Variants in CPPED1 observed in about 807,000 individuals in gnomAD.
The protein encoded by CPPED1 is serine/threonine-protein phosphatase CPPED1.
CPPED1 carries 28 observed loss-of-function variants against 28.0 expected under a neutral mutation model. The observed-to-expected ratio is 1.00, with a 90% CI of 0.74 to 1.37. The LOEUF is 1.37. CPPED1 is among the 40% of genes most tolerant of loss of function. The pLI, the probability that CPPED1 is intolerant of heterozygous loss-of-function variation, is 0.00. For missense variants in CPPED1, 504 were observed against 416.5 expected, an observed-to-expected ratio of 1.21 and a Z score of -1.83; for synonymous variants, 198 against 180.2, an observed-to-expected ratio of 1.10 and a Z score of -0.79.
At chr16:12,686,756 C>T (rs1243202680) in intron 3 of CPPED1, among the ~76,000 whole-genome samples, 3 of 152,186 alleles carry the variant, frequency 2.0e-5, no homozygotes, top group Admixed American at 6.5e-5. Context: ...GTGTCAGTTA[C>T]TAAAACACCC....
chr16:12,770,690 C>T (rs2080464785), intron 2 of CPPED1, among the ~76,000 whole-genome samples: 1 of 152,004 alleles, frequency 6.6e-6, no homozygotes, highest in Non-Finnish European at 1.5e-5. Context: ...TGTGGTGGCA[C>T]ACACACCTGT....
At chr16:12,785,946 A>AC (rs1415045841) in intron 1 of CPPED1, among the ~76,000 whole-genome samples, 2 of 151,888 alleles carry the variant, frequency 1.3e-5, no homozygotes, top group East Asian at 1.9e-4. Flanking sequence ...GAAAAAAAAA[A>AC]AAAACCAAAA....
chr16:12,664,868 C>G lies in CPPED1; in HGVS notation c.*18G>C. Reference sequence around the variant, plus strand: ...AAAAATAGTGCAAGTGAAAAGTGAACGGGAACGGGAAGGAGCGTCATTTTT... The same window carrying G: ...AAAAATAGTGCAAGTGAAAAGTGAAGGGGAACGGGAAGGAGCGTCATTTTT... On this transcript the variant is annotated 3_prime_UTR_variant, in exon 4 of 4. Coordinates refer to ENST00000381774, the MANE Select transcript of CPPED1 (RefSeq NM_018340.3). This position sits in a 1 kb window ranked among gnomAD's most constrained non-coding sequence, Gnocchi z 4.2. 6.2e-7 allele frequency: 1 copy of G among 1,607,662 alleles called. No homozygotes were observed. The highest frequency in any genetic ancestry group is 8.5e-7 in the Non-Finnish European group (1 of 1,178,042).
rs548766300 is a variant in CPPED1, at chr16:12,719,568, C to T, written c.290-14519G>A. Among the ~76,000 whole-genome samples the T allele has an allele frequency of 4.6e-5, 7 of 152,260 alleles. No individual in the cohort carries two copies. In the South Asian group the frequency reaches 1.2e-3, roughly 27 times the overall value. Reference sequence around the variant, plus strand: ...GAGCGAAGACGGAAAGATTGACTTACCATGTCCTTATATACCTTACCTATA... The same window carrying T: ...GAGCGAAGACGGAAAGATTGACTTATCATGTCCTTATATACCTTACCTATA... On this transcript the variant is annotated intron_variant, in intron 2 of 3. Transcript: ENST00000381774.
chr16:12,747,472 C>A (rs142093446), intron 2 of CPPED1, among the ~76,000 whole-genome samples: 18 of 133,360 alleles, frequency 1.3e-4, no homozygotes, highest in African/African-American at 4.5e-4. Context: ...AATAAATAAT[C>A]ACATTCCATA....
In CPPED1 at chr16:12,709,909, AAGGAAGGG is replaced by A. The variant is rs1567282722; in HGVS notation, c.290-4868_290-4861del. On this transcript the variant is annotated intron_variant, in intron 2 of 3. Coordinates refer to ENST00000381774, the MANE Select transcript of CPPED1 (RefSeq NM_018340.3). The surrounding 1 kb of genome is among the most constrained non-coding windows in gnomAD (Gnocchi z 4.4). ...AGGGAAGGAAGGGAAAGACGGGGGG[AAGGAAGGG>A]AAGGAAGGGAAGGAAGGGAAGGAAG... Among the ~76,000 whole-genome samples, 2,594 of 25,240 alleles carry A rather than the reference AAGGAAGGG, an allele frequency of 0.1. 80 individuals carry two copies. Among genetic ancestry groups the A allele is most frequent in the African/African-American group, 0.37 (2,504 of 6,778 alleles). The allele number at this position is 25,240 out of a possible 152,430, so 16.6% of individuals were successfully genotyped here.
intron 1 of CPPED1, among the ~76,000 whole-genome samples, chr16:12,797,335 G>A (rs779970457): frequency 5.3e-5 from 8 of 152,132 alleles, no homozygotes; most frequent in East Asian, 3.8e-4. Context: ...AGGATTGCTC[G>A]GGTCCAAGAG....
chr16:12,800,700 A>G (rs904413322), intron 1 of CPPED1, among the ~76,000 whole-genome samples: 1 of 152,158 alleles, frequency 6.6e-6, no homozygotes. Context: ...CTCCAGCCTC[A>G]GCCCACACCA....
chr16:12,667,127 A>C (rs1339552411), intron 3 of CPPED1, among the ~76,000 whole-genome samples: 1 of 152,148 alleles, frequency 6.6e-6, no homozygotes, highest in Non-Finnish European at 1.5e-5. Context: ...ATGAGGGAAA[A>C]ACAAAAAACA....
rs1204405112 is a variant in CPPED1, at chr16:12,660,355, G to A, written c.*4531C>T. On this transcript the variant is annotated 3_prime_UTR_variant, in exon 4 of 4. Transcript: ENST00000381774. Reference sequence around the variant, plus strand: ...TTCATTTACATAGATAAAGCCTAAAGGAAAAATCCAATCTGTATTTATGTG... The same window carrying A: ...TTCATTTACATAGATAAAGCCTAAAAGAAAAATCCAATCTGTATTTATGTG... 6.6e-6 allele frequency: 1 copy of A among 152,048 alleles called. No homozygotes were observed. Among genetic ancestry groups the A allele is most frequent in the Non-Finnish European group, 1.5e-5 (1 of 68,014 alleles). The allele number at this position is 152,048 out of a possible 1,614,324, so 9.4% of individuals were successfully genotyped here.
intron 2 of CPPED1, among the ~76,000 whole-genome samples, chr16:12,749,959 C>T (rs1046483124): frequency 1.3e-5 from 2 of 152,106 alleles, no homozygotes; most frequent in African/African-American, 2.4e-5. Context: ...TTTACTTTGC[C>T]CAGATCCATC....
chr16:12,733,582 T>G (rs1329376101), intron 2 of CPPED1, among the ~76,000 whole-genome samples: 4 of 152,056 alleles, frequency 2.6e-5, no homozygotes, highest in African/African-American at 9.6e-5. Flanking sequence ...GCCAACCAAA[T>G]TAGGATTTAA....
intron 3 of CPPED1, among the ~76,000 whole-genome samples, chr16:12,674,884 G>T (rs1651004): frequency 1.7e-4 from 26 of 151,912 alleles, no homozygotes; most frequent in African/African-American, 4.6e-4. Context: ...GCAGAGGTCT[G>T]GGGGGGAGCA....
chr16:12,735,060 G>A (rs1199651302), intron 2 of CPPED1, among the ~76,000 whole-genome samples: 1 of 152,138 alleles, frequency 6.6e-6, no homozygotes, highest in Non-Finnish European at 1.5e-5. Context: ...GTACTATCTG[G>A]AGGGTCACCA....
rs148292768 is a variant in CPPED1 at position 12,756,087 on chromosome 16, C to T, written c.289+25098G>A. Among the ~76,000 whole-genome samples the T allele has an allele frequency of 9.5e-3, 1,436 of 150,906 alleles. 27 individuals carry two copies. The highest frequency in any genetic ancestry group is 0.033 in the African/African-American group (1,359 of 40,696). On this transcript the variant is annotated intron_variant, in intron 2 of 3. Transcript: ENST00000381774. Reference sequence around the variant, plus strand: ...CGGAGCTTGCAGTGAGCCAAGATCGCGCTACTGCACTCCAGCCTGGGCAAC... The same window carrying T: ...CGGAGCTTGCAGTGAGCCAAGATCGTGCTACTGCACTCCAGCCTGGGCAAC...
At chr16:12,737,297 A>T (rs1010758846) in intron 2 of CPPED1, among the ~76,000 whole-genome samples, 2 of 152,318 alleles carry the variant, frequency 1.3e-5, no homozygotes, top group South Asian at 4.1e-4. Context: ...CTGAAGGACA[A>T]GCAGGCAGTC....
intron 2 of CPPED1, among the ~76,000 whole-genome samples, chr16:12,765,936 A>G (rs1219997581): frequency 6.6e-6 from 1 of 152,082 alleles, no homozygotes; most frequent in Non-Finnish European, 1.5e-5. Flanking sequence ...TCAGTGCTTC[A>G]TTTCGTTGCA....
chr16:12,732,236 A>G (rs1596463606), intron 2 of CPPED1, among the ~76,000 whole-genome samples: 1 of 26,982 alleles, frequency 3.7e-5, no homozygotes, highest in East Asian at 5.7e-4. Context: ...GGAATAATGA[A>G]AAAAAAAAAA....
chr16:12,791,808 T>C (rs901756639), intron 1 of CPPED1, among the ~76,000 whole-genome samples: 2 of 152,238 alleles, frequency 1.3e-5, no homozygotes, highest in African/African-American at 2.4e-5. Flanking sequence ...CTTTCTGGCA[T>C]ATCAGCAGCT....
Sources: allele counts gnomAD v4.1 joint callset (sites outside exome capture counted in the v4.1 genomes callset), GRCh38; gene constraint gnomAD v4.1.1; non-coding constraint Gnocchi (gnomAD v3.1); transcripts MANE v1.5; gene names NCBI Gene and HGNC (gene_info 2026-07-23, HGNC 2026-07-21).